RALYL: variants seen among roughly 807,000 people sequenced by gnomAD.
RALYL encodes RNA-binding Raly-like protein.
In RALYL, 29 loss-of-function variants were observed where a neutral mutation model predicts 35.1. The ratio of observed to expected loss-of-function variants is 0.83; its 90% CI spans 0.61 to 1.13. RALYL has a LOEUF of 1.13. RALYL is among the 50% of genes most tolerant of loss of function. The pLI is 0.00. For synonymous variants in RALYL, 120 were observed against 127.6 expected, an observed-to-expected ratio of 0.94 and a Z score of 0.40; for missense variants, 359 against 360.4, an observed-to-expected ratio of 1.00 and a Z score of 0.03.
At chr8:84,186,908 G>T (rs1280049566) in intron 1 of RALYL, among the ~76,000 whole-genome samples, 2 of 152,168 alleles carry the variant, frequency 1.3e-5, no homozygotes, top group East Asian at 3.9e-4. Flanking sequence ...ATTGTTGAAG[G>T]TAGTATCCTA....
At chr8:84,258,229 G>T (rs1359493954) in intron 1 of RALYL, among the ~76,000 whole-genome samples, 2 of 152,088 alleles carry the variant, frequency 1.3e-5, no homozygotes, top group African/African-American at 2.4e-5. Context: ...ATTTAGATGA[G>T]CACAGATAAC....
chr8:84,776,549 C>T (rs1028882110), intron 3 of RALYL, among the ~76,000 whole-genome samples: 10 of 151,948 alleles, frequency 6.6e-5, no homozygotes, highest in Non-Finnish European at 1.2e-4. Flanking sequence ...TTTATAAAAC[C>T]GAGAAATTTT....
chr8:84,776,132 G>A (rs1355406542), intron 3 of RALYL, among the ~76,000 whole-genome samples: 1 of 152,144 alleles, frequency 6.6e-6, no homozygotes, highest in Non-Finnish European at 1.5e-5. Flanking sequence ...TTCTGATTTA[G>A]TATAGTAAGA....
intron 2 of RALYL, among the ~76,000 whole-genome samples, chr8:84,691,384 A>G (rs2132155444): frequency 6.6e-6 from 1 of 152,236 alleles, no homozygotes; most frequent in African/African-American, 2.4e-5. Context: ...TTGCAAGTAC[A>G]GATTATATTT....
rs894145544 is a variant in RALYL at position 84,722,645 on chromosome 8, A to G, written c.257-51934A>G. Among the ~76,000 whole-genome samples, 35 of 138,784 alleles carry G rather than the reference A, an allele frequency of 2.5e-4. No individual in the cohort carries two copies. The East Asian group carries it at 3.7e-3, about 14-fold the overall frequency. The allele number at this position is 138,784 out of a possible 152,430, so 91.0% of individuals were successfully genotyped here. On this transcript the variant is annotated intron_variant, in intron 2 of 8. Coordinates refer to ENST00000521268, the MANE Select transcript of RALYL (RefSeq NM_173848.7). ...TATATATATATATATATATATATATATATGTATGTATATAAAATATTGTGT... is the reference window on the plus strand; with the variant it reads ...TATATATATATATATATATATATATGTATGTATGTATATAAAATATTGTGT...
intron 1 of RALYL, among the ~76,000 whole-genome samples, chr8:84,337,732 C>G (rs940882258): frequency 1.3e-5 from 2 of 152,074 alleles, no homozygotes; most frequent in African/African-American, 4.8e-5. Flanking sequence ...GTGAGTTGTA[C>G]TTCATCAAAT....
intron 5 of RALYL, among the ~76,000 whole-genome samples, chr8:84,857,673 C>A (rs1291770746): frequency 6.6e-6 from 1 of 151,982 alleles, no homozygotes; most frequent in African/African-American, 2.4e-5. Flanking sequence ...TTACGAAGAC[C>A]ATTTAACAGG....
At chr8:84,432,970 C>G (rs1438350970) in intron 1 of RALYL, among the ~76,000 whole-genome samples, 1 of 152,092 alleles carries the variant, frequency 6.6e-6, no homozygotes, top group African/African-American at 2.4e-5. Context: ...TATGGAAACT[C>G]TTACACACAT....
At chr8:84,229,380 G>C (rs751500387) in intron 1 of RALYL, among the ~76,000 whole-genome samples, 1 of 152,188 alleles carries the variant, frequency 6.6e-6, no homozygotes, top group Non-Finnish European at 1.5e-5. Context: ...ATCTGAACAT[G>C]TAGAATGCAA....
intron 1 of RALYL, among the ~76,000 whole-genome samples, chr8:84,247,378 G>T (rs1339753998): frequency 6.6e-6 from 1 of 151,880 alleles, no homozygotes; most frequent in Non-Finnish European, 1.5e-5. Context: ...TTCTTAAGAG[G>T]TACATGTAAC....
chr8:84,676,240 G>C (rs1311332146), intron 2 of RALYL, among the ~76,000 whole-genome samples: 1 of 152,188 alleles, frequency 6.6e-6, no homozygotes, highest in South Asian at 2.1e-4. Context: ...CTAATGTAGA[G>C]ATATGGATGG....
chr8:84,267,706 A>G (rs902360478), intron 1 of RALYL, among the ~76,000 whole-genome samples: 4 of 152,202 alleles, frequency 2.6e-5, no homozygotes, highest in Non-Finnish European at 5.9e-5. Context: ...AAAAAAACAA[A>G]CTGTTTATTA....
intron 1 of RALYL, among the ~76,000 whole-genome samples, chr8:84,469,419 G>A (rs2052331134): frequency 6.6e-6 from 1 of 152,166 alleles, no homozygotes; most frequent in African/African-American, 2.4e-5. Flanking sequence ...GTGTCAGTGT[G>A]CCCCTGCTGG....
chr8:84,467,411 A>G (rs1370752124), intron 1 of RALYL, among the ~76,000 whole-genome samples: 1 of 151,392 alleles, frequency 6.6e-6, no homozygotes, highest in African/African-American at 2.4e-5. Flanking sequence ...CCCAGTAGTC[A>G]TTCAGGAGCA....
chr8:84,585,679 GTAGT>G (rs1226664617), intron 2 of RALYL, among the ~76,000 whole-genome samples: 1 of 152,074 alleles, frequency 6.6e-6, no homozygotes, highest in Non-Finnish European at 1.5e-5. Context: ...CATTGACATT[GTAGT>G]TAATCCCAAA....
At position 84,408,129 on chromosome 8, in the gene RALYL, T is replaced by C. The variant is rs116403828; in HGVS notation, c.-23-121170T>C. 5.9e-3 allele frequency among the ~76,000 whole-genome samples: 894 copies of C among 152,196 alleles called. 9 individuals are homozygous for C. The highest frequency in any genetic ancestry group is 0.02 in the African/African-American group (829 of 41,568). ...TAATTATATCTGTAATGATACATTT[T>C]ATAAAATTTATAAATGTTTAAAATG... On this transcript the variant is annotated intron_variant, in intron 1 of 8. Coordinates refer to ENST00000521268, the MANE Select transcript of RALYL (RefSeq NM_173848.7).
intron 1 of RALYL, among the ~76,000 whole-genome samples, chr8:84,438,843 C>A (rs913327853): frequency 6.6e-6 from 1 of 152,086 alleles, no homozygotes; most frequent in African/African-American, 2.4e-5. Flanking sequence ...AAATGAAGTT[C>A]TTTCCCCATT....
At chr8:84,437,509 C>A (rs1236461917) in intron 1 of RALYL, among the ~76,000 whole-genome samples, 1 of 152,156 alleles carries the variant, frequency 6.6e-6, no homozygotes, top group East Asian at 1.9e-4. Context: ...TGCAGCCTCA[C>A]CAGCATCTGT....
At chr8:84,753,277 C>T (rs973715303) in intron 2 of RALYL, among the ~76,000 whole-genome samples, 18 of 152,176 alleles carry the variant, frequency 1.2e-4, no homozygotes, top group Non-Finnish European at 2.1e-4. Flanking sequence ...ACTCTTGTAA[C>T]TCCATTGTAC....
Sources: allele counts gnomAD v4.1 joint callset (sites outside exome capture counted in the v4.1 genomes callset), GRCh38; gene constraint gnomAD v4.1.1; transcripts MANE v1.5; gene names NCBI Gene and HGNC (gene_info 2026-07-23, HGNC 2026-07-21).